CTNNA2: variants seen among roughly 807,000 people sequenced by gnomAD.
The protein encoded by CTNNA2 is catenin alpha 2.
In CTNNA2, 42 loss-of-function variants were observed where a neutral mutation model predicts 101.0. That is an observed-to-expected ratio of 0.42 (90% CI 0.32 to 0.54). CTNNA2 has a LOEUF of 0.54. Among genes scored for constraint, CTNNA2 ranks in the 20% least tolerant of loss-of-function variants. The pLI, the probability that CTNNA2 is intolerant of heterozygous loss-of-function variation, is 0.14. For synonymous variants in CTNNA2, 450 were observed against 456.4 expected, an observed-to-expected ratio of 0.99 and a Z score of 0.18; for missense variants, 871 against 1,223.1, an observed-to-expected ratio of 0.71 and a Z score of 4.29.
chr2:80,387,104 T>C (rs11126763), intron 7 of CTNNA2, among the ~76,000 whole-genome samples: 42,104 of 151,992 alleles, frequency 0.28, 9,694 homozygotes, highest in African/African-American at 0.64. Flanking sequence ...TTGGCTAACA[T>C]GGTGAAACCC....
intron 3 of CTNNA2, among the ~76,000 whole-genome samples, chr2:79,341,931 G>A (rs924401632): frequency 6.6e-6 from 1 of 152,142 alleles, no homozygotes; most frequent in Non-Finnish European, 1.5e-5. Flanking sequence ...CCATGAAAGG[G>A]TGTCACGTTA....
chr2:79,954,296 G>C (rs1689077495), intron 7 of CTNNA2, among the ~76,000 whole-genome samples: 1 of 152,188 alleles, frequency 6.6e-6, no homozygotes, highest in African/African-American at 2.4e-5. Flanking sequence ...TGGGGACACA[G>C]AGACAAACCA....
At chr2:79,268,026 T>G (rs1675009106) in intron 2 of CTNNA2, among the ~76,000 whole-genome samples, 1 of 152,052 alleles carries the variant, frequency 6.6e-6, no homozygotes, top group African/African-American at 2.4e-5. Flanking sequence ...CTGCAGAAGA[T>G]TCCCTTCTCA....
intron 15 of CTNNA2, among the ~76,000 whole-genome samples, chr2:80,601,056 A>G (rs1364911756): frequency 6.6e-6 from 1 of 152,134 alleles, no homozygotes; most frequent in Non-Finnish European, 1.5e-5. Context: ...GATGTCCAGG[A>G]AGTAAATATT....
intron 7 of CTNNA2, among the ~76,000 whole-genome samples, chr2:80,274,080 T>C (rs1673707736): frequency 6.6e-6 from 1 of 152,204 alleles, no homozygotes; most frequent in African/African-American, 2.4e-5. Flanking sequence ...GTTAGACACT[T>C]ATTTGGAAAT....
chr2:79,553,001 T>A (rs559381040), intron 1 of CTNNA2, among the ~76,000 whole-genome samples: 1 of 152,346 alleles, frequency 6.6e-6, no homozygotes, highest in South Asian at 2.1e-4. Context: ...CTGGCTTGAA[T>A]TCCTTCTTAG....
chr2:79,446,360 TG>T (rs1678833131), intron 4 of CTNNA2, among the ~76,000 whole-genome samples: 1 of 152,112 alleles, frequency 6.6e-6, no homozygotes, highest in Non-Finnish European at 1.5e-5. Context: ...TCTAAGGATT[TG>T]TTTTACCAGT....
intron 3 of CTNNA2, among the ~76,000 whole-genome samples, chr2:79,350,073 CAAAAAAAAAAA>C (rs59503765): frequency 5.2e-5 from 3 of 57,452 alleles, no homozygotes; most frequent in Non-Finnish European, 1.0e-4. Context: ...GACTCCTTCT[CAAAAAAAAAAA>C]AAAAAAAAAA....
intron 7 of CTNNA2, among the ~76,000 whole-genome samples, chr2:79,982,193 T>C (rs1176704743): frequency 7.6e-3 from 16 of 2,112 alleles, no homozygotes; most frequent in Non-Finnish European, 0.015. Context: ...CATGTGCCAC[T>C]ATATATATAT....
At chr2:80,000,581 C>T (rs1211461469) in intron 7 of CTNNA2, among the ~76,000 whole-genome samples, 1 of 152,300 alleles carries the variant, frequency 6.6e-6, no homozygotes, top group Non-Finnish European at 1.5e-5. Flanking sequence ...CCTCAATTAA[C>T]ATCCTCTCCA....
intron 7 of CTNNA2, among the ~76,000 whole-genome samples, chr2:80,138,635 C>G (rs1702825865): frequency 6.6e-6 from 1 of 152,076 alleles, no homozygotes; most frequent in South Asian, 2.1e-4. Flanking sequence ...GTTAAGAACA[C>G]AGGTTGAGCA....
At chr2:79,867,164 A>G (rs1257194851) in intron 4 of CTNNA2, among the ~76,000 whole-genome samples, 1 of 152,218 alleles carries the variant, frequency 6.6e-6, no homozygotes, top group African/African-American at 2.4e-5. Flanking sequence ...TTTGGGCCAT[A>G]GGAGTCACTT....
chr2:79,322,635 T>G (rs1440864187), intron 3 of CTNNA2, among the ~76,000 whole-genome samples: 2 of 152,178 alleles, frequency 1.3e-5, no homozygotes, highest in Non-Finnish European at 2.9e-5. Context: ...CAGAGCATAT[T>G]CTCATCCACT....
intron 3 of CTNNA2, among the ~76,000 whole-genome samples, chr2:79,783,744 A>G (rs905305536): frequency 2.6e-5 from 4 of 152,154 alleles, no homozygotes; most frequent in African/African-American, 9.7e-5. Flanking sequence ...AAATGCACAC[A>G]CATACATGCT....
intron 7 of CTNNA2, among the ~76,000 whole-genome samples, chr2:80,309,822 G>A (rs1358423336): frequency 6.7e-6 from 1 of 149,682 alleles, no homozygotes; most frequent in Non-Finnish European, 1.5e-5. Context: ...AGCCTCCCAA[G>A]TAGCTGGGAT....
At chr2:79,936,125 G>C (rs1057278531) in intron 7 of CTNNA2, among the ~76,000 whole-genome samples, 3 of 152,026 alleles carry the variant, frequency 2.0e-5, no homozygotes, top group Non-Finnish European at 4.4e-5. Flanking sequence ...GCTCTATTTA[G>C]TGTATTCTAA....
chr2:80,423,908 C>G (rs1207833413), intron 9 of CTNNA2, among the ~76,000 whole-genome samples: 1 of 151,570 alleles, frequency 6.6e-6, no homozygotes, highest in Non-Finnish European at 1.5e-5. Flanking sequence ...ATTTTGGGGA[C>G]AAAAGGGAAA....
At chr2:80,568,762 A>G (rs10192914) in intron 12 of CTNNA2, among the ~76,000 whole-genome samples, 142,111 of 152,238 alleles carry the variant, frequency 0.93, 66,396 homozygotes, top group South Asian at 0.96. Flanking sequence ...CAGTATGAGA[A>G]AATAAATCAT....
chr2:79,559,374 A>T (rs1158632851), intron 1 of CTNNA2, among the ~76,000 whole-genome samples: 1 of 151,874 alleles, frequency 6.6e-6, no homozygotes, highest in Non-Finnish European at 1.5e-5. Flanking sequence ...GGGCGGTTCC[A>T]AGGATTTGGA....
Sources: allele counts gnomAD v4.1 joint callset (sites outside exome capture counted in the v4.1 genomes callset), GRCh38; gene constraint gnomAD v4.1.1; transcripts MANE v1.5; gene names NCBI Gene and HGNC (gene_info 2026-07-23, HGNC 2026-07-21).